CFAP45: variants seen among roughly 807,000 people sequenced by gnomAD.
The protein encoded by CFAP45 is cilia- and flagella-associated protein 45.
In CFAP45, 43 loss-of-function variants were observed where a neutral mutation model predicts 75.6. The ratio of observed to expected loss-of-function variants is 0.57; its 90% confidence interval spans 0.45 to 0.73. The LOEUF (loss-of-function observed/expected upper bound fraction) is 0.73. CFAP45 is among the 30% of genes least tolerant of loss of function. CFAP45 has a pLI of 0.00. For missense variants in CFAP45, 689 were observed against 701.5 expected (o/e 0.98, Z 0.20); for synonymous variants, 223 against 244.6 (o/e 0.91, Z 0.82).
Position 159,886,791 on chromosome 1 carries a change from GT to G in CFAP45, c.589-103del, listed in dbSNP as rs113945393. ...CTATACTGCTGAGCATGCTGGAGGT[GT>G]GCATGACTGCTCACAAGTCCGGGGA... On this transcript the variant is annotated intron_variant, in intron 5 of 11. Transcript: ENST00000368099. 669 of 878,430 alleles carry G rather than the reference GT, an allele frequency of 7.6e-4. 4 individuals are homozygous for G. The African/African-American group carries it at 8.4e-3, about 11-fold the overall frequency. 54.4% of individuals were successfully genotyped at this position (878,430 alleles called of 1,614,324 possible).
chr1:159,877,204 C>A, intron 9 of CFAP45, 145 bp downstream of exon 9: 2 of 734,824 alleles, frequency 2.7e-6, no homozygotes, highest in Admixed American at 1.8e-5. Context: ...AGCAGGCCAC[C>A]CCTTCCTTCT....
At chr1:159,895,913 T>C (rs1337335351) in intron 1 of CFAP45, among the ~76,000 whole-genome samples, 1 of 152,194 alleles carries the variant, frequency 6.6e-6, no homozygotes, top group Non-Finnish European at 1.5e-5. Flanking sequence ...AATATAGCAA[T>C]GTGCATTTGA....
intron 2 of CFAP45, among the ~76,000 whole-genome samples, chr1:159,891,883 C>T (rs1649838183): frequency 6.6e-6 from 1 of 152,212 alleles, no homozygotes; most frequent in Non-Finnish European, 1.5e-5. Context: ...TTTTGCCAGC[C>T]AGCATGACTA....
intron 7 of CFAP45, among the ~76,000 whole-genome samples, chr1:159,882,298 A>G (rs1426298902): frequency 6.6e-6 from 1 of 151,654 alleles, no homozygotes; most frequent in Non-Finnish European, 1.5e-5. Context: ...TAGGCCTGCT[A>G]TTTGTATCCC....
intron 3 of CFAP45, among the ~76,000 whole-genome samples, chr1:159,890,264 G>C (rs1233578433): frequency 6.6e-6 from 1 of 152,194 alleles, no homozygotes; most frequent in East Asian, 1.9e-4. Context: ...GAGAATAAAG[G>C]ACAGTGGCAA....
intron 10 of CFAP45, among the ~76,000 whole-genome samples, chr1:159,874,555 T>C (rs1649356455): frequency 2.0e-5 from 3 of 152,206 alleles, no homozygotes; most frequent in Admixed American, 1.3e-4. Flanking sequence ...TTTTCCTATA[T>C]TTAGAACAGT....
At chr1:159,900,011 T>A in intron 1 of CFAP45, 85 bp downstream of exon 1, 1 of 1,527,990 alleles carries the variant, frequency 6.5e-7, no homozygotes, top group East Asian at 2.3e-5. Flanking sequence ...GACCCAACTG[T>A]GACCTCCCCT....
At chr1:159,893,348 G>A in intron 1 of CFAP45, 43 bp from the exon 2 acceptor site, 6 of 1,603,004 alleles carry the variant, frequency 3.7e-6, no homozygotes, top group Non-Finnish European at 5.1e-6. Context: ...GTACTGAGTG[G>A]CATCCAGACC....
chr1:159,890,601 C>T lies in CFAP45; in HGVS notation c.151G>A (p.Asp51Asn), dbSNP rs1235504887. 5.0e-6 allele frequency: 8 copies of T among 1,613,966 alleles called. No individual in the cohort carries two copies. Among genetic ancestry groups the T allele is most frequent in the South Asian group, 1.1e-5 (1 of 91,042 alleles). ...DIKSPAQGQS[D>N]SPIVLLRDKH... is the part of the protein sequence containing the mutation. Reference sequence around the variant, plus strand: ...TCTCGGAGCAGCACAATGGGGCTGTCGCTCTGGCCCTGGGCTGGGGACTAT... The same window carrying T: ...TCTCGGAGCAGCACAATGGGGCTGTTGCTCTGGCCCTGGGCTGGGGACTAT... The change falls in exon 3 of 12, where the codon GAC becomes AAC. Residue 51 changes from aspartate (D) to asparagine (N), a missense_variant. By Grantham distance (23) the Asp-to-Asn change is conservative (BLOSUM62 1). Coordinates refer to ENST00000368099, the MANE Select transcript of CFAP45 (RefSeq NM_012337.3).
chr1:159,884,056 A>C, intron 7 of CFAP45, among the ~76,000 whole-genome samples: 1 of 152,238 alleles, frequency 6.6e-6, no homozygotes, highest in East Asian at 1.9e-4. Context: ...GTCTGGAACT[A>C]AGATATTGCT....
At chr1:159,874,623 T>A (rs1649357707) in intron 10 of CFAP45, among the ~76,000 whole-genome samples, 2 of 152,208 alleles carry the variant, frequency 1.3e-5, no homozygotes, top group African/African-American at 4.8e-5. Flanking sequence ...GGGGGACTTG[T>A]ATGTGTCACT....
At chr1:159,876,262 A>C in intron 10 of CFAP45, 1 of 445,530 alleles carries the variant, frequency 2.2e-6, no homozygotes, top group Non-Finnish European at 4.1e-6. Flanking sequence ...GGGCAGCAGA[A>C]TGGACCAGAA....
intron 6 of CFAP45, 100 bp from the exon 7 acceptor site, chr1:159,884,665 G>A (rs748977591): frequency 2.1e-4 from 261 of 1,218,308 alleles, no homozygotes; most frequent in Non-Finnish European, 2.7e-4. Flanking sequence ...TGGTGTCACC[G>A]AAACAATTTG....
intron 5 of CFAP45, among the ~76,000 whole-genome samples, chr1:159,887,441 C>T (rs913653255): frequency 5.3e-5 from 8 of 152,314 alleles, no homozygotes; most frequent in African/African-American, 1.9e-4. Context: ...CATCCAATTG[C>T]CTCGACCACC....
chr1:159,900,127 C>CTTCTGCT lies in CFAP45; in HGVS notation c.-36_-30dup. 2 of 1,614,146 alleles carry CTTCTGCT rather than the reference C, an allele frequency of 1.2e-6. No homozygotes were observed. The highest frequency in any genetic ancestry group is 1.7e-6 in the Non-Finnish European group (2 of 1,180,000). ...CTCAGCCACACGCCCTGACTCCGGACTTCTGCTGCCGCCTCGGCGCCGCCA... is the reference window on the plus strand; with the variant it reads ...CTCAGCCACACGCCCTGACTCCGGACTTCTGCTTTCTGCTGCCGCCTCGGCGCCGCCA... On this transcript the variant is annotated 5_prime_UTR_variant, in exon 1 of 12. Coordinates refer to ENST00000368099, the MANE Select transcript of CFAP45 (RefSeq NM_012337.3).
rs1649678564 is a variant in CFAP45 at position 159,886,409 on chromosome 1, A to G, written c.767+102T>C. 5.9e-6 allele frequency: 6 copies of G among 1,015,092 alleles called. No individual in the cohort carries two copies. The Admixed American group carries it at 1.2e-4, about 20-fold the overall frequency. 62.9% of individuals were successfully genotyped at this position (1,015,092 alleles called of 1,614,324 possible). The stretch of plus-strand genomic sequence containing the variant: ...AGTTTTGAGATAATAAGTAGATGAC[A>G]ATAATGACCATTTCTCATCTCTTCC... On this transcript the variant is annotated intron_variant, in intron 6 of 11. Transcript: ENST00000368099.
At chr1:159,894,810 G>A (rs955524982) in intron 1 of CFAP45, among the ~76,000 whole-genome samples, 2 of 152,194 alleles carry the variant, frequency 1.3e-5, no homozygotes, top group African/African-American at 4.8e-5. Flanking sequence ...TAGGGAACTA[G>A]TGGACCAAAA....
chr1:159,872,651 A>AC, intron 11 of CFAP45, 88 bp from the exon 12 acceptor site: 2 of 1,183,584 alleles, frequency 1.7e-6, no homozygotes. Context: ...GGTTTACAGA[A>AC]CCTGGGGGCC....
chr1:159,886,528 C>T lies in CFAP45; in HGVS notation c.750G>A (p.Arg250=). 6.2e-7 allele frequency: 1 copy of T among 1,614,008 alleles called. No homozygotes were observed. ...ATCTTTACCTAATTCTTTCCTCCCT[C>T]CTCTTCCTCTCCAGTTCCTCCTGCC... The part of the protein sequence containing the change: ...IQRQEELERK[R]REERIRGRRQ... The change falls in exon 6 of 12, where the codon AGG becomes AGA. Residue 250 remains arginine (R), a synonymous_variant. Transcript: ENST00000368099.
Sources: allele counts gnomAD v4.1 joint callset (sites outside exome capture counted in the v4.1 genomes callset), GRCh38; gene constraint gnomAD v4.1.1; transcripts MANE v1.5; gene names NCBI Gene and HGNC (gene_info 2026-07-23, HGNC 2026-07-21).